The following DOK6 variants were observed in gnomAD, a reference collection of about 807,000 sequenced individuals.
DOK6 encodes the protein docking protein 6.
Under a neutral mutation model 44.0 loss-of-function variants are expected in DOK6, and 22 were observed. The ratio of observed to expected loss-of-function variants is 0.50; its 90% CI spans 0.36 to 0.71. DOK6 has a LOEUF of 0.71. Among genes scored for constraint, DOK6 ranks in the 30% least tolerant of loss-of-function variants. The probability of loss-of-function intolerance (pLI) is 0.00; values close to 1 mark genes in which losing one functional copy is unlikely to be tolerated. For missense variants in DOK6, 340 were observed against 416.4 expected (o/e 0.82, Z 1.60); for synonymous variants, 166 against 145.5 (o/e 1.14, Z -1.01).
chr18:69,802,063 C>T (rs547850048), intron 7 of DOK6, among the ~76,000 whole-genome samples: 1 of 152,214 alleles, frequency 6.6e-6, no homozygotes, highest in East Asian at 1.9e-4. Flanking sequence ...CTCCATGGCC[C>T]ACCCATGCCA....
intron 5 of DOK6, among the ~76,000 whole-genome samples, chr18:69,719,026 GA>G (rs1299553547): frequency 6.6e-6 from 1 of 152,072 alleles, no homozygotes; most frequent in Non-Finnish European, 1.5e-5. Context: ...GAAATTGTTG[GA>G]AAAAAATGTA....
intron 7 of DOK6, among the ~76,000 whole-genome samples, chr18:69,810,803 T>C (rs1289404044): frequency 6.6e-6 from 1 of 151,738 alleles, no homozygotes; most frequent in Non-Finnish European, 1.5e-5. Flanking sequence ...AAAGAATAAG[T>C]GTTAGTGAGG....
chr18:69,668,817 T>A (rs1299323957), intron 3 of DOK6, among the ~76,000 whole-genome samples: 1 of 152,176 alleles, frequency 6.6e-6, no homozygotes, highest in Non-Finnish European at 1.5e-5. Context: ...AAATTACATA[T>A]TTGAACAAAA....
At chr18:69,550,417 T>C (rs1982531459) in intron 1 of DOK6, among the ~76,000 whole-genome samples, 1 of 152,134 alleles carries the variant, frequency 6.6e-6, no homozygotes, top group South Asian at 2.1e-4. Context: ...ACAAAGATGC[T>C]GTATTAATTA....
intron 1 of DOK6, among the ~76,000 whole-genome samples, chr18:69,529,950 TTAGTC>T (rs1373910160): frequency 6.6e-6 from 1 of 152,188 alleles, no homozygotes; most frequent in African/African-American, 2.4e-5. Flanking sequence ...CAGAAAGTCT[TTAGTC>T]TATATCTTGT....
At chr18:69,535,997 A>G (rs1982112438) in intron 1 of DOK6, among the ~76,000 whole-genome samples, 1 of 152,160 alleles carries the variant, frequency 6.6e-6, no homozygotes, top group Admixed American at 6.5e-5. Flanking sequence ...AAATAGAGAG[A>G]CATAGGGAGA....
intron 1 of DOK6, among the ~76,000 whole-genome samples, chr18:69,519,648 C>T (rs967755857): frequency 1.3e-5 from 2 of 151,812 alleles, no homozygotes; most frequent in African/African-American, 4.8e-5. Context: ...TTTTAAAGAG[C>T]TTCTTTGGAG....
intron 3 of DOK6, among the ~76,000 whole-genome samples, chr18:69,636,459 A>G (rs1984811670): frequency 6.6e-6 from 1 of 152,174 alleles, no homozygotes; most frequent in Admixed American, 6.5e-5. Flanking sequence ...AAGAAAAAGG[A>G]AGCCATCCAG....
chr18:69,749,296 G>T (rs1277412916), intron 6 of DOK6, among the ~76,000 whole-genome samples: 1 of 152,034 alleles, frequency 6.6e-6, no homozygotes, highest in Non-Finnish European at 1.5e-5. Context: ...CTGTACCCCA[G>T]AACTTAAAAA....
intron 7 of DOK6, among the ~76,000 whole-genome samples, chr18:69,781,876 T>C (rs1980278630): frequency 1.3e-5 from 2 of 152,172 alleles, no homozygotes; most frequent in African/African-American, 2.4e-5. Context: ...AACTTTGTTA[T>C]GGTTATAAAC....
chr18:69,589,053 C>T (rs1173636809), intron 2 of DOK6, among the ~76,000 whole-genome samples: 2 of 151,980 alleles, frequency 1.3e-5, no homozygotes, highest in East Asian at 1.9e-4. Flanking sequence ...TATAAGGAAG[C>T]AGCTACTGGA....
intron 1 of DOK6, chr18:69,483,648 C>T (rs763512939): frequency 6.6e-6 from 1 of 152,076 alleles, no homozygotes. Context: ...CTTGTAACTC[C>T]ATTCTGCTCA....
At chr18:69,684,524 G>A (rs1405254195) in intron 4 of DOK6, among the ~76,000 whole-genome samples, 1 of 152,118 alleles carries the variant, frequency 6.6e-6, no homozygotes, top group African/African-American at 2.4e-5. Context: ...AGCTTATGGG[G>A]GAGAATACTG....
intron 3 of DOK6, among the ~76,000 whole-genome samples, chr18:69,626,363 C>T (rs1180780211): frequency 6.6e-6 from 1 of 152,200 alleles, no homozygotes; most frequent in Non-Finnish European, 1.5e-5. Context: ...TTCACATTTG[C>T]TCCTGTTAAT....
intron 3 of DOK6, among the ~76,000 whole-genome samples, chr18:69,634,066 CAAAA>C (rs566093310): frequency 7.2e-6 from 1 of 139,632 alleles, no homozygotes; most frequent in East Asian, 2.0e-4. Context: ...TCTCCCAAAT[CAAAA>C]AAAAAAAAGT....
At chr18:69,695,873 CAAG>C (rs930241484) in intron 4 of DOK6, among the ~76,000 whole-genome samples, 8 of 152,076 alleles carry the variant, frequency 5.3e-5, no homozygotes, top group African/African-American at 1.9e-4. Flanking sequence ...TAAACCACAA[CAAG>C]AAGGGTTGAC....
At chr18:69,550,736 T>C (rs1982539870) in intron 1 of DOK6, among the ~76,000 whole-genome samples, 1 of 151,546 alleles carries the variant, frequency 6.6e-6, no homozygotes, top group Non-Finnish European at 1.5e-5. Flanking sequence ...GACAGTTTCT[T>C]AAGTTTTTTT....
chr18:69,676,121 A>G (rs932183208), intron 3 of DOK6, among the ~76,000 whole-genome samples: 3 of 152,178 alleles, frequency 2.0e-5, no homozygotes, highest in Admixed American at 1.3e-4. Context: ...GATCCTTGAC[A>G]TAGTTTGATA....
chr18:69,657,272 C>G (rs1051762926), intron 3 of DOK6, among the ~76,000 whole-genome samples: 1 of 152,168 alleles, frequency 6.6e-6, no homozygotes, highest in African/African-American at 2.4e-5. Flanking sequence ...ATTAAACCTC[C>G]CTTTCCATTA....
Sources: gnomAD v4.1 joint callset for allele counts (sites outside exome capture counted in the v4.1 genomes callset) on GRCh38, gnomAD v4.1.1 for gene constraint, MANE v1.5 for transcripts, NCBI Gene and HGNC (gene_info 2026-07-23, HGNC 2026-07-21) for gene names.